The following CDKL4 variants were observed in gnomAD, a reference collection of about 807,000 sequenced individuals.
The protein encoded by CDKL4 is cyclin-dependent kinase-like 4.
CDKL4 carries 44 observed loss-of-function variants against 42.0 expected under a neutral mutation model. That is an observed-to-expected ratio of 1.05 (90% CI 0.82 to 1.35). The LOEUF (loss-of-function observed/expected upper bound fraction) is 1.35, where lower values mean the gene tolerates loss of function less well. CDKL4 is among the 40% of genes most tolerant of loss of function. The probability of loss-of-function intolerance (pLI) is 0.00; values close to 1 mark genes in which losing one functional copy is unlikely to be tolerated. For missense variants in CDKL4, 393 were observed against 369.9 expected (o/e 1.06, Z -0.51); for synonymous variants, 120 against 121.6 (o/e 0.99, Z 0.09).
intron 5 of CDKL4, among the ~76,000 whole-genome samples, chr2:39,199,853 C>T (rs1295535143): frequency 6.6e-6 from 1 of 151,984 alleles, no homozygotes; most frequent in African/African-American, 2.4e-5. Flanking sequence ...TAATAAAAAC[C>T]ATTGATGACA....
intron 5 of CDKL4, among the ~76,000 whole-genome samples, chr2:39,204,087 C>A (rs560720630): frequency 6.6e-6 from 1 of 152,224 alleles, no homozygotes; most frequent in African/African-American, 2.4e-5. Flanking sequence ...TCTCTGAATC[C>A]TCTCTCTTTA....
intron 3 of CDKL4, among the ~76,000 whole-genome samples, chr2:39,217,555 C>T (rs55978422): frequency 1.3e-5 from 2 of 152,152 alleles, no homozygotes; most frequent in South Asian, 4.2e-4. Flanking sequence ...AGAATAAAAT[C>T]CAGCCTTGTT....
intron 7 of CDKL4, among the ~76,000 whole-genome samples, chr2:39,185,164 A>C (rs1228299219): frequency 7.5e-6 from 1 of 133,560 alleles, no homozygotes; most frequent in Non-Finnish European, 1.6e-5. Context: ...ATATACACAT[A>C]TGTATATATA....
the CDKL4 span, among the ~76,000 whole-genome samples, chr2:39,169,049 C>T: frequency 6.6e-6 from 1 of 152,254 alleles, no homozygotes; most frequent in East Asian, 1.9e-4. Context: ...GCCACTGTGC[C>T]AGGCTTGAGT....
rs1325730139 is a variant in CDKL4, at chr2:39,185,385, TAC to T, written c.736-740_736-739del. Among the ~76,000 whole-genome samples, 6 of 15,198 alleles carry T rather than the reference TAC, an allele frequency of 3.9e-4. 1 individual carries two copies. The allele number at this position is 15,198 out of a possible 152,430, so 10.0% of individuals were successfully genotyped here. A position where few individuals can be genotyped will look rare whatever the true frequency, so the allele number is the denominator to read the frequency against. ...ACATATATATATACATATGTATATA[TAC>T]ATGTATATATACATATGTGTATATA... is the stretch of plus-strand genomic sequence containing the variant. On this transcript the variant is annotated intron_variant, in intron 7 of 9. Coordinates refer to ENST00000451199, the Ensembl canonical transcript of CDKL4.
chr2:39,240,767 A>G (rs1679622002), intron 1 of CDKL4, among the ~76,000 whole-genome samples: 1 of 152,074 alleles, frequency 6.6e-6, no homozygotes. Context: ...TACATATTTT[A>G]TAATTCCATT....
downstream of CDKL4, among the ~76,000 whole-genome samples, chr2:39,175,484 C>T (rs1675127677): frequency 6.6e-6 from 1 of 152,180 alleles, no homozygotes; most frequent in Non-Finnish European, 1.5e-5. Flanking sequence ...CCTGAACGAC[C>T]TTTCAAGGTT....
chr2:39,234,027 C>T (rs1679227223), intron 1 of CDKL4, among the ~76,000 whole-genome samples: 1 of 151,302 alleles, frequency 6.6e-6, no homozygotes, highest in African/African-American at 2.4e-5. Context: ...GATTCTCCTG[C>T]CTCCGCCTCC....
intron 4 of CDKL4, among the ~76,000 whole-genome samples, chr2:39,211,884 G>T (rs1180651589): frequency 6.6e-6 from 1 of 152,110 alleles, no homozygotes; most frequent in Non-Finnish European, 1.5e-5. Flanking sequence ...GCGATATGAA[G>T]TGTACAGCAC....
At chr2:39,220,856 G>C (rs1976594) in intron 3 of CDKL4, among the ~76,000 whole-genome samples, 122,910 of 151,362 alleles carry the variant, frequency 0.81, 51,063 homozygotes, top group Non-Finnish European at 0.92. Flanking sequence ...CAAAGTGCTG[G>C]GATTACAGGC....
At chr2:39,225,598 C>CATA (rs1678658822) in intron 3 of CDKL4, among the ~76,000 whole-genome samples, 1 of 152,154 alleles carries the variant, frequency 6.6e-6, no homozygotes, top group African/African-American at 2.4e-5. Context: ...TAATCCAATA[C>CATA]ATAATTTAGC....
chr2:39,235,289 A>C (rs576118011), intron 1 of CDKL4, among the ~76,000 whole-genome samples: 2 of 152,330 alleles, frequency 1.3e-5, no homozygotes, highest in East Asian at 3.9e-4. Flanking sequence ...ATTTCAGCAA[A>C]AGGATTTATG....
intron 7 of CDKL4, among the ~76,000 whole-genome samples, chr2:39,185,143 TATGTGTATATATATACAC>T (rs1675652792): frequency 7.2e-6 from 1 of 139,116 alleles, no homozygotes; most frequent in Admixed American, 7.4e-5. Context: ...TATACATATA[TATGTGTATATATATACAC>T]ATATGTATAT....
chr2:39,234,361 T>C (rs1057461234), intron 1 of CDKL4, among the ~76,000 whole-genome samples: 13 of 152,056 alleles, frequency 8.5e-5, no homozygotes, highest in South Asian at 4.2e-4. Flanking sequence ...GATAGGAGAA[T>C]AGATTCAAGT....
At chr2:39,233,139 G>A (rs1679173187) in intron 1 of CDKL4, among the ~76,000 whole-genome samples, 1 of 151,032 alleles carries the variant, frequency 6.6e-6, no homozygotes, top group Non-Finnish European at 1.5e-5. Flanking sequence ...TGTAAACCTT[G>A]GCAGAACGCA....
chr2:39,195,800 C>A (rs1332972788), intron 5 of CDKL4, among the ~76,000 whole-genome samples: 1 of 151,896 alleles, frequency 6.6e-6, no homozygotes, highest in African/African-American at 2.4e-5. Context: ...TGAGCCACTG[C>A]GCCCTGCCTT....
chr2:39,173,981 A>C (rs1228019754), downstream of CDKL4, among the ~76,000 whole-genome samples: 1 of 151,998 alleles, frequency 6.6e-6, no homozygotes, highest in Admixed American at 6.6e-5. Context: ...CTGTCTCAAA[A>C]ACAAAAAAAG....
chr2:39,206,279 ATGT>A (rs1353879990), intron 4 of CDKL4, among the ~76,000 whole-genome samples: 1 of 151,994 alleles, frequency 6.6e-6, no homozygotes, highest in Non-Finnish European at 1.5e-5. Context: ...TGGTTTCACC[ATGT>A]TGTTGTCCAG....
the CDKL4 span, among the ~76,000 whole-genome samples, chr2:39,170,204 C>G: frequency 7.4e-6 from 1 of 135,972 alleles, no homozygotes; most frequent in African/African-American, 2.8e-5. Flanking sequence ...TCTCCTAAAA[C>G]AAGAATGAAG....
Sources: allele counts gnomAD v4.1 joint callset (sites outside exome capture counted in the v4.1 genomes callset), GRCh38; gene constraint gnomAD v4.1.1; transcripts MANE v1.5; gene names NCBI Gene and HGNC (gene_info 2026-07-23, HGNC 2026-07-21).